SPON1: variants seen among roughly 807,000 people sequenced by gnomAD.
SPON1 encodes spondin-1.
A neutral mutation model predicts 111.7 loss-of-function variants in SPON1; 52 were observed. That is an observed-to-expected ratio of 0.47 (90% CI 0.37 to 0.59). The LOEUF is 0.59. Among genes scored for constraint, SPON1 ranks in the 20% least tolerant of loss-of-function variants. SPON1 has a pLI of 0.00. For synonymous variants in SPON1, 410 were observed against 395.8 expected, an observed-to-expected ratio of 1.04 and a Z score of -0.43; for missense variants, 957 against 1,068.5, an observed-to-expected ratio of 0.90 and a Z score of 1.46.
Position 14,257,866 on chromosome 11 carries a change from A to G in SPON1, c.1460A>G (p.Gln487Arg). 6.3e-7 allele frequency: 1 copy of G among 1,577,078 alleles called. No individual in the cohort carries two copies. Among genetic ancestry groups the G allele is most frequent in the Non-Finnish European group, 8.6e-7 (1 of 1,162,122 alleles). ...SVPCPDTQDF[Q>R]PCMGPGCSDE... Reference sequence around the variant, plus strand: ...CCCTGCCCTGACACCCAGGACTTCCAGCCCTGCATGGGCCCTGGCTGCAGT... The same window carrying G: ...CCCTGCCCTGACACCCAGGACTTCCGGCCCTGCATGGGCCCTGGCTGCAGT... The change falls in exon 11 of 16, where the codon CAG (glutamine) becomes CGG (arginine). Residue 487 changes from glutamine (Q) to arginine (R), a missense_variant. Around this residue, in one of 5 missense-constraint regions of SPON1, gnomAD observed 549 missense variants for 606.2 expected, o/e 0.91. Transcript: ENST00000576479.
At chr11:14,129,984 C>T (rs534962251) in intron 5 of SPON1, among the ~76,000 whole-genome samples, 1 of 152,300 alleles carries the variant, frequency 6.6e-6, no homozygotes, top group African/African-American at 2.4e-5. Flanking sequence ...CTTTCATGAC[C>T]TCCCACCAAA....
At chr11:14,082,245 T>A (rs1356046573) in intron 5 of SPON1, among the ~76,000 whole-genome samples, 1 of 152,208 alleles carries the variant, frequency 6.6e-6, no homozygotes, top group African/African-American at 2.4e-5. Flanking sequence ...TATACAGAGT[T>A]TCTGTGGAGT....
intron 6 of SPON1, among the ~76,000 whole-genome samples, chr11:14,195,469 C>T (rs1349021872): frequency 6.6e-6 from 1 of 152,152 alleles, no homozygotes; most frequent in Admixed American, 6.5e-5. Flanking sequence ...CATAATGCCA[C>T]AATCAGAAAC....
intron 6 of SPON1, among the ~76,000 whole-genome samples, chr11:14,206,553 G>A (rs1401857376): frequency 1.3e-5 from 2 of 152,102 alleles, no homozygotes; most frequent in African/African-American, 4.8e-5. Context: ...GCTCTTAGAA[G>A]TAATAATTGT....
intron 2 of SPON1, among the ~76,000 whole-genome samples, chr11:14,038,544 C>CCTCA (rs1446019663): frequency 2.0e-5 from 3 of 152,026 alleles, no homozygotes; most frequent in Non-Finnish European, 4.4e-5. Flanking sequence ...TGGTAAAAGA[C>CCTCA]CCAAACAGAA....
At chr11:14,186,859 A>G (rs1554934120) in intron 6 of SPON1, among the ~76,000 whole-genome samples, 1 of 152,170 alleles carries the variant, frequency 6.6e-6, no homozygotes, top group African/African-American at 2.4e-5. Context: ...TAATCCTGTG[A>G]AGTGAAATTT....
chr11:13,980,138 T>C (rs1218191491), intron 1 of SPON1, among the ~76,000 whole-genome samples: 2 of 152,140 alleles, frequency 1.3e-5, no homozygotes, highest in Non-Finnish European at 2.9e-5. Flanking sequence ...CCTCCTGGGT[T>C]CCAGCAATTC....
chr11:14,032,799 CAT>C (rs1288734232), intron 2 of SPON1, among the ~76,000 whole-genome samples: 10 of 152,148 alleles, frequency 6.6e-5, no homozygotes, highest in Non-Finnish European at 1.3e-4. Context: ...TGTCATAGCA[CAT>C]GTCTTCCCTC....
chr11:14,032,274 C>G (rs1554916153), intron 2 of SPON1, among the ~76,000 whole-genome samples: 1 of 152,074 alleles, frequency 6.6e-6, no homozygotes, highest in East Asian at 1.9e-4. Flanking sequence ...TAATAACTAT[C>G]TTGGGGTGGT....
chr11:14,004,701 G>A lies in SPON1; in HGVS notation c.345+21748G>A, dbSNP rs183822121. On this transcript the variant is annotated intron_variant, in intron 2 of 15. Coordinates refer to ENST00000576479, the MANE Select transcript of SPON1 (RefSeq NM_006108.4). ...TGGGTTTTTTTGTTTTTCTGCTATT[G>A]AGTTTTAACAGTTATTTACAAATTT... Among the ~76,000 whole-genome samples, 113 of 152,116 alleles carry A rather than the reference G, an allele frequency of 7.4e-4. 2 individuals carry two copies. The highest frequency in any genetic ancestry group is 2.6e-3 in the African/African-American group (108 of 41,500).
chr11:14,254,487 C>A (rs1554940950), intron 7 of SPON1, 41 bp from the exon 8 acceptor site: 1 of 1,530,976 alleles, frequency 6.5e-7, no homozygotes, highest in South Asian at 1.3e-5. Context: ...AGGACCAACC[C>A]CCAGAACTCT....
At chr11:14,168,771 A>C (rs1554932106) in intron 6 of SPON1, among the ~76,000 whole-genome samples, 2 of 150,690 alleles carry the variant, frequency 1.3e-5, no homozygotes, top group African/African-American at 2.4e-5. Context: ...TTGTCCTTGC[A>C]ATAGTTTGCT....
At chr11:14,229,739 C>T (rs1459747283) in intron 6 of SPON1, among the ~76,000 whole-genome samples, 1 of 152,204 alleles carries the variant, frequency 6.6e-6, no homozygotes, top group Non-Finnish European at 1.5e-5. Flanking sequence ...GAGGACAGCA[C>T]TTTCCCCAAA....
At chr11:14,050,217 CACCTTTACA>C (rs1554918328) in intron 3 of SPON1, among the ~76,000 whole-genome samples, 1 of 152,192 alleles carries the variant, frequency 6.6e-6, no homozygotes, top group East Asian at 1.9e-4. Flanking sequence ...TATTTCTAGC[CACCTTTACA>C]ACCTTATTTG....
chr11:14,020,137 C>T (rs527267579), intron 2 of SPON1, among the ~76,000 whole-genome samples: 68 of 152,242 alleles, frequency 4.5e-4, no homozygotes, highest in African/African-American at 1.6e-3. Flanking sequence ...TAAGAATGTG[C>T]ACCACTCTAG....
chr11:14,167,582 G>T (rs1554931964), intron 6 of SPON1, among the ~76,000 whole-genome samples: 1 of 151,942 alleles, frequency 6.6e-6, no homozygotes. Context: ...TTTCATGTTT[G>T]CATTACAGCA....
At chr11:14,185,161 T>A (rs1239574095) in intron 6 of SPON1, among the ~76,000 whole-genome samples, 1 of 152,222 alleles carries the variant, frequency 6.6e-6, no homozygotes, top group Non-Finnish European at 1.5e-5. Flanking sequence ...ATTATTCCCA[T>A]CAAGGAAACA....
chr11:13,971,563 A>C (rs1848063516), intron 1 of SPON1, among the ~76,000 whole-genome samples: 2 of 152,046 alleles, frequency 1.3e-5, no homozygotes, highest in African/African-American at 4.8e-5. Flanking sequence ...CCTGGGCCCC[A>C]CCCTAACAAA....
intron 3 of SPON1, among the ~76,000 whole-genome samples, chr11:14,050,131 A>G (rs1463114522): frequency 6.6e-6 from 1 of 152,218 alleles, no homozygotes; most frequent in Non-Finnish European, 1.5e-5. Flanking sequence ...CTGCTACAAG[A>G]TATGAGAACT....
Sources: allele counts gnomAD v4.1 joint callset (sites outside exome capture counted in the v4.1 genomes callset), GRCh38; gene constraint gnomAD v4.1.1; regional missense constraint gnomAD v4.1.1; transcripts MANE v1.5; gene names NCBI Gene and HGNC (gene_info 2026-07-23, HGNC 2026-07-21).